The following DDX31 variants were observed in gnomAD, a reference collection of about 807,000 sequenced individuals.
DDX31 encodes the protein DEAD-box helicase 31, also known as ATP-dependent DNA helicase DDX31.
Under a neutral mutation model 91.3 loss-of-function variants are expected in DDX31, and 70 were observed. The ratio of observed to expected loss-of-function variants is 0.77; its 90% CI spans 0.63 to 0.94. The LOEUF is 0.94. Ranked by LOEUF, DDX31 falls within the 40% of genes least tolerant of loss-of-function variation. The pLI is 0.00. For missense variants in DDX31, 902 were observed against 925.0 expected (o/e 0.98, Z 0.32); for synonymous variants, 362 against 350.6 (o/e 1.03, Z -0.36).
chr9:132,658,361 A>G (rs1249882062), intron 6 of DDX31: 6 of 703,222 alleles, frequency 8.5e-6, no homozygotes, highest in South Asian at 1.5e-5. Flanking sequence ...AGTAATACCT[A>G]TAACACAGTG....
chr9:132,624,737 A>G (rs1301798846), intron 17 of DDX31, among the ~76,000 whole-genome samples: 3 of 152,186 alleles, frequency 2.0e-5, no homozygotes. Flanking sequence ...GGGAACACAC[A>G]CTTTGCTAAT....
rs200786970 is a variant in DDX31, at chr9:132,651,159, CTT to C, written c.634-45_634-44del. ...GTTATAGATGATGAACAGGATCCCCCTTTTTTTTTTTTTAAAGACAATTTAAT... is the reference window on the plus strand; with the variant it reads ...GTTATAGATGATGAACAGGATCCCCCTTTTTTTTTTTAAAGACAATTTAAT... On this transcript the variant is annotated intron_variant, in intron 7 of 19. Coordinates refer to ENST00000372159, the MANE Select transcript of DDX31 (RefSeq NM_022779.9). 2.0e-3 allele frequency: 2,460 copies of C among 1,239,188 alleles called. 1 individual carries two copies. Among genetic ancestry groups the C allele is most frequent in the East Asian group, 8.0e-3 (303 of 38,096 alleles). The allele number at this position is 1,239,188 out of a possible 1,614,324, so 76.8% of individuals were successfully genotyped here.
intron 6 of DDX31, among the ~76,000 whole-genome samples, chr9:132,655,105 T>C (rs1735115861): frequency 6.6e-6 from 1 of 152,182 alleles, no homozygotes; most frequent in Admixed American, 6.5e-5. Context: ...AAAATGCACA[T>C]TCCACTTACA....
At chr9:132,630,999 G>C (rs773696963) in intron 15 of DDX31, among the ~76,000 whole-genome samples, 1 of 152,256 alleles carries the variant, frequency 6.6e-6, no homozygotes, top group African/African-American at 2.4e-5. Context: ...GCAGGTGAGG[G>C]GCAGGTTCCC....
chr9:132,654,876 G>C (rs1471431942), intron 6 of DDX31, among the ~76,000 whole-genome samples: 1 of 150,076 alleles, frequency 6.7e-6, no homozygotes, highest in Admixed American at 6.7e-5. Flanking sequence ...AATCCGGGAG[G>C]TGGAGGTTTC....
chr9:132,618,292 G>C lies in DDX31; in HGVS notation c.1825+38C>G, dbSNP rs370751405. 29 of 1,567,442 alleles carry C rather than the reference G, an allele frequency of 1.9e-5. No individual in the cohort carries two copies. The Admixed American group carries it at 2.8e-4, about 15-fold the overall frequency. On this transcript the variant is annotated intron_variant, in intron 18 of 19. Transcript: ENST00000372159. ...GAAGGTGGGGGAGAGCACTCTGCTGGGCTATCCACTGCGCAAGCACCTAGG... is the reference window on the plus strand; with the variant it reads ...GAAGGTGGGGGAGAGCACTCTGCTGCGCTATCCACTGCGCAAGCACCTAGG...
At chr9:132,648,637 A>G in intron 9 of DDX31, 86 bp from the exon 10 acceptor site, 4 of 1,491,848 alleles carry the variant, frequency 2.7e-6, no homozygotes, top group Non-Finnish European at 3.6e-6. Context: ...AAATAGACAG[A>G]CTCATTTCAT....
chr9:132,615,057 G>A (rs948376973), intron 18 of DDX31, among the ~76,000 whole-genome samples: 26 of 152,098 alleles, frequency 1.7e-4, no homozygotes, highest in Admixed American at 7.9e-4. Flanking sequence ...CCACACAAGC[G>A]GAAGGTGGAG....
chr9:132,669,881 A>AGTCC lies in DDX31; in HGVS notation c.53_54insGGAC (p.Pro19AspfsTer22). The AGTCC allele has an allele frequency of 6.3e-7, 1 of 1,592,832 alleles. No homozygotes were observed. The highest frequency in any genetic ancestry group is 8.5e-7 in the Non-Finnish European group (1 of 1,170,988). On this transcript the variant is annotated frameshift_variant, in exon 1 of 20. Coordinates refer to ENST00000372159, the MANE Select transcript of DDX31 (RefSeq NM_022779.9). LOFTEE classifies it high-confidence loss of function. ...TCACCCGACTCGCCTGGGCTGGGGG[A>AGTCC]CGTCTGGAGAACGTCCTGGGGTTGT...
At chr9:132,645,445 T>G (rs1833768102) in intron 13 of DDX31, among the ~76,000 whole-genome samples, 1 of 152,192 alleles carries the variant, frequency 6.6e-6, no homozygotes, top group African/African-American at 2.4e-5. Flanking sequence ...ACAGCAGCCG[T>G]GCTCAGCAGT....
intron 18 of DDX31, among the ~76,000 whole-genome samples, chr9:132,614,175 G>A (rs1047591914): frequency 2.0e-5 from 3 of 152,124 alleles, no homozygotes; most frequent in African/African-American, 7.2e-5. Context: ...GCTCCTGGAA[G>A]GATCCTGGGG....
At chr9:132,597,804 C>T (rs1830519882) in intron 19 of DDX31, among the ~76,000 whole-genome samples, 1 of 152,198 alleles carries the variant, frequency 6.6e-6, no homozygotes, top group African/African-American at 2.4e-5. Flanking sequence ...TCCTCCAGAC[C>T]TGTCCCTTCA....
chr9:132,606,830 C>G (rs191943659), intron 19 of DDX31, among the ~76,000 whole-genome samples: 1 of 152,120 alleles, frequency 6.6e-6, no homozygotes, highest in African/African-American at 2.4e-5. Flanking sequence ...AGAGGGCTAA[C>G]GGGGGTACAG....
rs758557727 is a variant in DDX31 at position 132,595,076 on chromosome 9, G to A, written c.2031C>T (p.Ser677=). 5 of 1,614,232 alleles carry A rather than the reference G, an allele frequency of 3.1e-6. No individual in the cohort carries two copies. In the South Asian group the frequency reaches 5.5e-5, roughly 18 times the overall value. ...DLHKKTQSKH[S]LAEILRSEYS... is the part of the protein sequence containing the mutation. ...ATTCCGAACGTAGGATTTCAGCGAG[G>A]CTGTGTTTACTCTGGGTCTTCTTAT... The change falls in exon 20 of 20, where the codon AGC becomes AGT. Residue 677 remains serine (S), a synonymous_variant. Transcript: ENST00000372159. This position sits in a 1 kb window ranked among gnomAD's most constrained non-coding sequence, Gnocchi z 4.6.
intron 6 of DDX31, 146 bp downstream of exon 6, chr9:132,658,525 C>T (rs1834723760): frequency 4.2e-6 from 3 of 720,092 alleles, no homozygotes; most frequent in South Asian, 1.7e-5. Context: ...AGATACAACA[C>T]ATTTATGCAA....
chr9:132,655,779 G>A lies in DDX31; in HGVS notation c.588+2892C>T, dbSNP rs183791663. Among the ~76,000 whole-genome samples the A allele has an allele frequency of 2.6e-4, 40 of 152,300 alleles. No individual in the cohort carries two copies. The South Asian group carries it at 7.9e-3, about 30-fold the overall frequency. On this transcript the variant is annotated intron_variant, in intron 6 of 19. Transcript: ENST00000372159. ...ACACTGAATGAATGAACAAAACAAC[G>A]TTACTGCCAAAGCTAAGCACAGAGT...
At chr9:132,635,202 A>T (rs893069085) in intron 14 of DDX31, among the ~76,000 whole-genome samples, 1 of 152,070 alleles carries the variant, frequency 6.6e-6, no homozygotes. Flanking sequence ...TGAGAAGGTG[A>T]CTTTCTCCTT....
intron 16 of DDX31, among the ~76,000 whole-genome samples, chr9:132,629,804 T>A (rs866311500): frequency 5.9e-5 from 9 of 152,292 alleles, no homozygotes; most frequent in Middle Eastern, 3.4e-3. Context: ...GTGAGTGTAG[T>A]GTGGATTTCA....
At chr9:132,621,102 A>C (rs1832003619) in intron 17 of DDX31, among the ~76,000 whole-genome samples, 3 of 152,226 alleles carry the variant, frequency 2.0e-5, no homozygotes, top group African/African-American at 7.2e-5. Context: ...AAACGCTTGT[A>C]GGAAAAACAT....
Sources: allele counts gnomAD v4.1 joint callset (sites outside exome capture counted in the v4.1 genomes callset), GRCh38; gene constraint gnomAD v4.1.1; non-coding constraint Gnocchi (gnomAD v3.1); transcripts MANE v1.5; gene names NCBI Gene and HGNC (gene_info 2026-07-23, HGNC 2026-07-21).